Variants in GALK1 observed in about 807,000 individuals in gnomAD.
The protein encoded by GALK1 is galactokinase 1, also known as galactokinase.
In GALK1, 30 loss-of-function variants were observed where a neutral mutation model predicts 38.6. The ratio of observed to expected loss-of-function variants is 0.78; its 90% CI spans 0.58 to 1.05. The LOEUF (loss-of-function observed/expected upper bound fraction) is 1.05, where lower values mean the gene tolerates loss of function less well. GALK1 is among the 50% of genes least tolerant of loss of function. GALK1 has a pLI of 0.00. For synonymous variants in GALK1, 240 were observed against 233.6 expected (o/e 1.03, Z -0.25); for missense variants, 512 against 540.5 (o/e 0.95, Z 0.52).
chr17:75,756,313 C>T (rs1307275618), downstream of GALK1: 3 of 1,138,234 alleles, frequency 2.6e-6, no homozygotes, highest in East Asian at 2.5e-5. Context: ...ACCCAAACCA[C>T]AGCTAGTCCT....
At position 75,764,882 on chromosome 17, in the gene GALK1, A is replaced by G. The variant is rs1165542290; in HGVS notation, c.165+90T>C. ...TGCCCGCCCCACATCTCCCGCGGGA[A>G]GAACTCGCCCCCAGCGTCCCCGAGG... On this transcript the variant is annotated intron_variant, in intron 1 of 7. Coordinates refer to ENST00000588479, the MANE Select transcript of GALK1 (RefSeq NM_000154.2). 3 of 1,414,184 alleles carry G rather than the reference A, an allele frequency of 2.1e-6. No homozygotes were observed. The East Asian group carries it at 7.4e-5, about 35-fold the overall frequency. 87.6% of individuals were successfully genotyped at this position (1,414,184 alleles called of 1,614,324 possible).
At chr17:75,754,285 C>T (rs1223560779), downstream of GALK1, among the ~76,000 whole-genome samples, 1 of 152,148 alleles carries the variant, frequency 6.6e-6, no homozygotes, top group Non-Finnish European at 1.5e-5. Context: ...TGGGGATCTC[C>T]CCAGGGCAGA....
At chr17:75,760,611 CAA>C (rs990477683) in intron 5 of GALK1, among the ~76,000 whole-genome samples, 5 of 118,254 alleles carry the variant, frequency 4.2e-5, no homozygotes, top group Admixed American at 8.5e-5. Flanking sequence ...ACTAAAAATA[CAA>C]AAAAAAAAAA....
At chr17:75,752,297 G>C in intron 8 of GALK1, 1 of 1,613,212 alleles carries the variant, frequency 6.2e-7, no homozygotes, top group Non-Finnish European at 8.5e-7. Flanking sequence ...GGGGCCGGCT[G>C]GGGGCCTGAG....
At chr17:75,756,874 G>A (rs375178466), downstream of GALK1, 25 of 1,612,016 alleles carry the variant, frequency 1.6e-5, no homozygotes, top group Admixed American at 3.3e-5. Context: ...TGCCCACCCC[G>A]GGGGCAGGAG....
rs1219909549 is a variant in GALK1 at position 75,752,270 on chromosome 17, C to T, written c.*23-533G>A. On this transcript the variant is annotated intron_variant, in intron 8 of 8. Transcript: ENST00000225614. ...CGGGAGTCCCAGCCCTACCGCTACACGGTGAAGGCGCGCAACGGGGCCGGC... is the reference window on the plus strand; with the variant it reads ...CGGGAGTCCCAGCCCTACCGCTACATGGTGAAGGCGCGCAACGGGGCCGGC... The T allele has an allele frequency of 8.1e-6, 13 of 1,613,456 alleles. No homozygotes were observed. Among genetic ancestry groups the T allele is most frequent in the East Asian group, 4.5e-5 (2 of 44,888 alleles).
chr17:75,753,753 G>C, downstream of GALK1: 1 of 1,420,756 alleles, frequency 7.0e-7, no homozygotes. Flanking sequence ...GCGGCCCTTC[G>C]TTGTTCCCAA....
chr17:75,754,535 T>G, downstream of GALK1: 1 of 1,612,356 alleles, frequency 6.2e-7, no homozygotes, highest in Non-Finnish European at 8.5e-7. Context: ...GGCCCGGGTC[T>G]GGGGCAGGCC....
chr17:75,756,487 C>T (rs763046755), downstream of GALK1: 15 of 1,613,158 alleles, frequency 9.3e-6, no homozygotes, highest in African/African-American at 2.7e-5. Context: ...TGGTGGAAGA[C>T]CTCCTGCCCA....
downstream of GALK1, chr17:75,754,581 C>G (rs1359439988): frequency 2.5e-6 from 4 of 1,613,594 alleles, no homozygotes; most frequent in African/African-American, 1.3e-5. Flanking sequence ...TGCAGAGCAC[C>G]TGGTGAATGG....
At chr17:75,755,478 C>T (rs1270577119), downstream of GALK1, among the ~76,000 whole-genome samples, 3 of 152,136 alleles carry the variant, frequency 2.0e-5, no homozygotes, top group Non-Finnish European at 4.4e-5. Context: ...GGCAGACTCA[C>T]GGGGCTCACT....
intron 8 of GALK1, chr17:75,751,948 C>A: frequency 1.6e-6 from 1 of 611,206 alleles, no homozygotes; most frequent in Non-Finnish European, 3.0e-6. Context: ...CCTGGCTCTG[C>A]CACTTACTCA....
chr17:75,758,383 G>A lies in GALK1; in HGVS notation c.945-11C>T. ...ACCTCATAGTCGTCTCTGCAGAGAG[G>A]ATATTGAAGGGGTGGGCCTGGGCCG... is the stretch of plus-strand genomic sequence containing the variant. On this transcript the variant is annotated splice_polypyrimidine_tract_variant and intron_variant, in intron 6 of 7. Transcript: ENST00000588479. 6.3e-7 allele frequency: 1 copy of A among 1,585,298 alleles called. No individual in the cohort carries two copies. The highest frequency in any genetic ancestry group is 8.6e-7 in the Non-Finnish European group (1 of 1,166,418).
intron 8 of GALK1, among the ~76,000 whole-genome samples, chr17:75,752,868 C>T (rs2061400327): frequency 6.6e-6 from 1 of 152,188 alleles, no homozygotes; most frequent in South Asian, 2.1e-4. Flanking sequence ...ACACAGGACA[C>T]TCAGGCCACC....
At chr17:75,757,108 G>A (rs1410351503), downstream of GALK1, 1 of 1,612,898 alleles carries the variant, frequency 6.2e-7, no homozygotes, top group East Asian at 2.2e-5. Context: ...CAGGATGGAG[G>A]TAGGCACCTG....
chr17:75,755,206 G>C, downstream of GALK1: 1 of 1,603,458 alleles, frequency 6.2e-7, no homozygotes, highest in Non-Finnish European at 8.5e-7. Context: ...CGCCCTCCTG[G>C]GGCCCAGGTA....
In GALK1 at chr17:75,752,587, G is replaced by T; in HGVS notation, c.*23-850C>A. On this transcript the variant is annotated intron_variant, in intron 8 of 8. Coordinates refer to the GALK1 transcript ENST00000225614. The stretch of plus-strand genomic sequence containing the variant: ...GTCTCCGATGACACTGGTGAGTGGA[G>T]ACCTGGGACCCACAAGAGGACAGTG... The T allele has an allele frequency of 6.2e-7, 1 of 1,613,356 alleles. No individual in the cohort carries two copies. Among genetic ancestry groups the T allele is most frequent in the South Asian group, 1.1e-5 (1 of 91,056 alleles).
chr17:75,757,742 T>C (rs1020955827), downstream of GALK1: 7 of 774,844 alleles, frequency 9.0e-6, no homozygotes, highest in Non-Finnish European at 1.5e-5. Flanking sequence ...CCCAAACCTA[T>C]TTGTAACCAA....
downstream of GALK1, chr17:75,756,837 CTGTGAGA>C: frequency 6.2e-7 from 1 of 1,612,372 alleles, no homozygotes; most frequent in South Asian, 1.1e-5. Context: ...ACCTGGTGAC[CTGTGAGA>C]TGGCCCAAGG....
Sources: gnomAD v4.1 joint callset for allele counts (sites outside exome capture counted in the v4.1 genomes callset) on GRCh38, gnomAD v4.1.1 for gene constraint, MANE v1.5 for transcripts, NCBI Gene and HGNC (gene_info 2026-07-23, HGNC 2026-07-21) for gene names.